Variants in ADCY5 observed in about 807,000 individuals in gnomAD.
The protein encoded by ADCY5 is adenylate cyclase 5, also known as adenylate cyclase type 5.
ADCY5 carries 30 observed loss-of-function variants against 119.7 expected under a neutral mutation model. The observed-to-expected ratio is 0.25, with a 90% CI of 0.19 to 0.34. The LOEUF is 0.34. Ranked by LOEUF, ADCY5 falls within the 10% of genes least tolerant of loss-of-function variation. The pLI, the probability that ADCY5 is intolerant of heterozygous loss-of-function variation, is 1.00. For synonymous variants in ADCY5, 753 were observed against 762.2 expected (o/e 0.99, Z 0.20); for missense variants, 1,324 against 1,775.2 (o/e 0.75, Z 4.57).
intron 1 of ADCY5, among the ~76,000 whole-genome samples, chr3:123,411,217 C>T (rs77804265): frequency 2.6e-5 from 4 of 152,194 alleles, no homozygotes; most frequent in South Asian, 2.1e-4. Flanking sequence ...CAGTCAAGGG[C>T]GTACTAGTGC....
intron 12 of ADCY5, among the ~76,000 whole-genome samples, chr3:123,308,625 C>T (rs1022671771): frequency 1.3e-5 from 2 of 151,900 alleles, no homozygotes; most frequent in African/African-American, 4.8e-5. Context: ...GTCAGGAGAT[C>T]GAGATCAAAC....
chr3:123,447,817 G>A lies in ADCY5; in HGVS notation c.729C>T (p.Thr243=), dbSNP rs1945854141. Residue 243 remains threonine (T), a synonymous_variant, in exon 1 of 21, where the codon ACC becomes ACT. Transcript: ENST00000462833. ...CGAGCACCAGCACGGCCATGAGCAT[G>A]GTGAGGCTGCTCTGGTTCAGGCGGA... is the stretch of plus-strand genomic sequence containing the variant. ...YFFRLNQSSL[T]MLMAVLVLVC... 6.2e-7 allele frequency: 1 copy of A among 1,612,856 alleles called. No homozygotes were observed. The highest frequency in any genetic ancestry group is 1.7e-5 in the Admixed American group (1 of 60,012).
At chr3:123,406,302 C>T (rs1224746408) in intron 1 of ADCY5, among the ~76,000 whole-genome samples, 2 of 152,260 alleles carry the variant, frequency 1.3e-5, no homozygotes, top group Non-Finnish European at 2.9e-5. Flanking sequence ...CACATTTCTC[C>T]CTGGCTCCCT....
chr3:123,430,080 C>G (rs1376876351), intron 1 of ADCY5, among the ~76,000 whole-genome samples: 1 of 152,198 alleles, frequency 6.6e-6, no homozygotes, highest in Admixed American at 6.5e-5. Context: ...CTGTCCACGG[C>G]AAACACATGG....
intron 20 of ADCY5, 69 bp from the exon 21 acceptor site, chr3:123,284,805 G>C: frequency 4.4e-6 from 7 of 1,599,594 alleles, no homozygotes; most frequent in Non-Finnish European, 6.0e-6. Flanking sequence ...GTGGGGTAGA[G>C]CCACCTCTGA....
At chr3:123,396,700 G>C (rs946807781) in intron 1 of ADCY5, among the ~76,000 whole-genome samples, 1 of 138,904 alleles carries the variant, frequency 7.2e-6, no homozygotes, top group Non-Finnish European at 1.5e-5. Context: ...GAGAGAGAGA[G>C]AGGGAGGGAG....
intron 2 of ADCY5, among the ~76,000 whole-genome samples, 189 bp from the exon 3 acceptor site, chr3:123,348,092 G>GTGTGTGTGTGTGTGT (rs1553732286): frequency 1.5e-5 from 1 of 67,202 alleles, no homozygotes; most frequent in Non-Finnish European, 3.1e-5. Context: ...TGTGTGTGCA[G>GTGTGTGTGTGTGTGT]GATACCTGTC....
chr3:123,303,286 C>G, intron 13 of ADCY5, 67 bp from the exon 14 acceptor site: 1 of 1,524,652 alleles, frequency 6.6e-7, no homozygotes, highest in Non-Finnish European at 8.9e-7. Flanking sequence ...GCAGCCCAGC[C>G]CACCAGGCCG....
At chr3:123,340,844 G>C (rs1231886182) in intron 3 of ADCY5, among the ~76,000 whole-genome samples, 6 of 152,074 alleles carry the variant, frequency 3.9e-5, no homozygotes, top group Non-Finnish European at 5.9e-5. Context: ...GAAAGCACAG[G>C]CCAGGCATGG....
At chr3:123,295,420 G>A (rs988420831) in intron 17 of ADCY5, among the ~76,000 whole-genome samples, 11 of 152,190 alleles carry the variant, frequency 7.2e-5, no homozygotes, top group African/African-American at 2.4e-4. Context: ...ACTCCCTCCT[G>A]GCCCTTCCGA....
chr3:123,328,604 C>T (rs564074468), intron 6 of ADCY5, 40 bp downstream of exon 6: 1 of 1,606,572 alleles, frequency 6.2e-7, no homozygotes. Flanking sequence ...TGAGTGGGAA[C>T]CCAGGTCGGG....
At chr3:123,315,578 T>C (rs963488917) in intron 11 of ADCY5, among the ~76,000 whole-genome samples, 3 of 152,094 alleles carry the variant, frequency 2.0e-5, no homozygotes, top group South Asian at 2.1e-4. Flanking sequence ...AAAAACCAGA[T>C]TGCTCTTTTT....
chr3:123,401,122 C>T (rs991043682), intron 1 of ADCY5, among the ~76,000 whole-genome samples: 3 of 152,076 alleles, frequency 2.0e-5, no homozygotes, highest in Admixed American at 6.5e-5. Context: ...TTTAGAGTGA[C>T]GGGACTAGAG....
At chr3:123,408,709 GCTCA>G (rs1291549173) in intron 1 of ADCY5, among the ~76,000 whole-genome samples, 1 of 150,774 alleles carries the variant, frequency 6.6e-6, no homozygotes, top group African/African-American at 2.4e-5. Context: ...GGGCATGGTG[GCTCA>G]CTCCTGTAAT....
At chr3:123,390,838 G>A (rs1443037911) in intron 1 of ADCY5, among the ~76,000 whole-genome samples, 1 of 152,216 alleles carries the variant, frequency 6.6e-6, no homozygotes, top group African/African-American at 2.4e-5. Flanking sequence ...CATCCCCGAG[G>A]GTTCATCTCT....
intron 1 of ADCY5, among the ~76,000 whole-genome samples, chr3:123,414,827 G>A (rs1460157592): frequency 6.6e-6 from 1 of 152,158 alleles, no homozygotes; most frequent in Non-Finnish European, 1.5e-5. Context: ...AAAGTGCTTG[G>A]GATTACAGGC....
At chr3:123,343,372 C>A (rs1387178042) in intron 3 of ADCY5, among the ~76,000 whole-genome samples, 15 of 152,136 alleles carry the variant, frequency 9.9e-5, no homozygotes, top group Non-Finnish European at 2.1e-4. Flanking sequence ...TGAGGACCAT[C>A]CCCACCCCAT....
chr3:123,296,168 G>A lies in ADCY5; in HGVS notation c.2979C>T (p.Ile993=). 1 of 1,613,982 alleles carries A rather than the reference G, an allele frequency of 6.2e-7. No homozygotes were observed. Among genetic ancestry groups the A allele is most frequent in the Non-Finnish European group, 8.5e-7 (1 of 1,179,988 alleles). Residue 993 remains isoleucine, a synonymous_variant, in exon 17 of 21, where the codon ATC becomes ATT. Coordinates refer to ENST00000462833, the MANE Select transcript of ADCY5 (RefSeq NM_183357.3). The part of the protein sequence containing the change: ...KVALKVVTPI[I]ISVFVLALYL... ...ACAGGGCCAGCACAAAGACTGAGAT[G>A]ATGATGGGCGTCACCACCTTCAATG...
chr3:123,393,211 C>G (rs1944444885), intron 1 of ADCY5, among the ~76,000 whole-genome samples: 1 of 152,152 alleles, frequency 6.6e-6, no homozygotes, highest in Non-Finnish European at 1.5e-5. Context: ...ACTCTGCAGC[C>G]TTGGGTTCAT....
Sources: gnomAD v4.1 joint callset for allele counts (sites outside exome capture counted in the v4.1 genomes callset) on GRCh38, gnomAD v4.1.1 for gene constraint, MANE v1.5 for transcripts, NCBI Gene and HGNC (gene_info 2026-07-23, HGNC 2026-07-21) for gene names.